LRP2: variants seen among roughly 807,000 people sequenced by gnomAD.
LRP2 encodes low-density lipoprotein receptor-related protein 2.
LRP2 carries 172 observed loss-of-function variants against 531.0 expected under a neutral mutation model. The observed-to-expected ratio is 0.32, with a 90% confidence interval of 0.29 to 0.37. The LOEUF (loss-of-function observed/expected upper bound fraction) is 0.37, where lower values mean the gene tolerates loss of function less well. Ranked by LOEUF, LRP2 falls within the 10% of genes least tolerant of loss-of-function variation. The probability of loss-of-function intolerance (pLI) is 1.00; values close to 1 mark genes in which losing one functional copy is unlikely to be tolerated. For missense variants in LRP2, 5,167 were observed against 5,868.3 expected (o/e 0.88, Z 3.90); for synonymous variants, 1,992 against 2,027.6 (o/e 0.98, Z 0.47).
intron 4 of LRP2, among the ~76,000 whole-genome samples, chr2:169,303,383 A>G (rs1331998468): frequency 6.6e-6 from 1 of 152,198 alleles, no homozygotes; most frequent in Non-Finnish European, 1.5e-5. Context: ...AATCTTTACA[A>G]TCTCTGTAAA....
chr2:169,131,847 C>G (rs1486846999), intron 77 of LRP2, among the ~76,000 whole-genome samples: 1 of 152,240 alleles, frequency 6.6e-6, no homozygotes, highest in Non-Finnish European at 1.5e-5. Context: ...ACAGCTATAT[C>G]TGGTATAGCT....
chr2:169,174,809 CTTTTTTT>C (rs36105004), intron 55 of LRP2, among the ~76,000 whole-genome samples: 5 of 128,544 alleles, frequency 3.9e-5, no homozygotes, highest in African/African-American at 1.5e-4. Flanking sequence ...TGTGCTCAGT[CTTTTTTT>C]TTTTTTTTTG....
chr2:169,171,156 T>C (rs2105277267), intron 58 of LRP2, among the ~76,000 whole-genome samples: 1 of 152,268 alleles, frequency 6.6e-6, no homozygotes, highest in East Asian at 1.9e-4. Context: ...AAATGCCAAT[T>C]GGATTACCCT....
At chr2:169,312,584 A>C (rs1684644078) in intron 3 of LRP2, among the ~76,000 whole-genome samples, 1 of 152,188 alleles carries the variant, frequency 6.6e-6, no homozygotes, top group South Asian at 2.1e-4. Flanking sequence ...TGTTAGTCTG[A>C]TGGGCTTCCC....
At chr2:169,348,306 A>C (rs1002433620) in intron 1 of LRP2, among the ~76,000 whole-genome samples, 5 of 152,162 alleles carry the variant, frequency 3.3e-5, no homozygotes, top group African/African-American at 1.2e-4. Context: ...AGTCCTCAAA[A>C]GAATGGGGAC....
chr2:169,248,080 T>C (rs986571713), intron 19 of LRP2, among the ~76,000 whole-genome samples: 9 of 152,184 alleles, frequency 5.9e-5, no homozygotes, highest in African/African-American at 1.9e-4. Context: ...TTTCAGTGTA[T>C]GTTTGAGGAT....
rs112238821 is a variant in LRP2, at chr2:169,283,057, T to C, written c.1043-56A>G. On this transcript the variant is annotated intron_variant, in intron 9 of 78. Coordinates refer to ENST00000649046, the MANE Select transcript of LRP2 (RefSeq NM_004525.3). The stretch of plus-strand genomic sequence containing the variant: ...AAGGTTATCAGCATTTATTAAGCAC[T>C]CTCTGACAAAAATCCTAGATAAGAT... The C allele has an allele frequency of 5.7e-5, 90 of 1,591,382 alleles. 2 individuals carry two copies. The African/African-American group carries it at 8.3e-4, about 15-fold the overall frequency.
chr2:169,184,764 TTTGTTTTG>T (rs1372277446), intron 50 of LRP2, among the ~76,000 whole-genome samples: 2 of 73,794 alleles, frequency 2.7e-5, no homozygotes, highest in African/African-American at 5.7e-5. Flanking sequence ...TTTTGTTTTG[TTTGTTTTG>T]TTTTTTTTGA....
chr2:169,129,536 TC>T (rs1410247485), intron 77 of LRP2, among the ~76,000 whole-genome samples: 1 of 152,202 alleles, frequency 6.6e-6, no homozygotes, highest in Admixed American at 6.5e-5. Flanking sequence ...GTATCCCTTC[TC>T]CCTTCATCAT....
At chr2:169,233,926 A>G (rs1689506553) in intron 29 of LRP2, among the ~76,000 whole-genome samples, 1 of 152,096 alleles carries the variant, frequency 6.6e-6, no homozygotes, top group Non-Finnish European at 1.5e-5. Context: ...GTTAGATGGA[A>G]CTAGAGAGCT....
intron 76 of LRP2, among the ~76,000 whole-genome samples, chr2:169,135,295 G>A (rs555823148): frequency 2.2e-4 from 33 of 151,936 alleles, no homozygotes; most frequent in African/African-American, 6.5e-4. Context: ...TTTTTCCCCC[G>A]CCCAGGACTG....
chr2:169,302,097 G>A (rs1258909562), intron 4 of LRP2, among the ~76,000 whole-genome samples: 1 of 152,072 alleles, frequency 6.6e-6, no homozygotes, highest in African/African-American at 2.4e-5. Context: ...CACAAGTAAT[G>A]ATTTCCATGC....
In LRP2 at chr2:169,147,340, A is replaced by G. The variant is rs971104839; in HGVS notation, c.12591-381T>C. Among the ~76,000 whole-genome samples, 23 of 152,264 alleles carry G rather than the reference A, an allele frequency of 1.5e-4. No individual in the cohort carries two copies. The South Asian group carries it at 2.5e-3, about 16-fold the overall frequency. On this transcript the variant is annotated intron_variant, in intron 68 of 78. Coordinates refer to ENST00000649046, the MANE Select transcript of LRP2 (RefSeq NM_004525.3). ...GAGAACAAAACATACAAAGATTTCT[A>G]TCTTCATGGAGCTACTCTGTTGCCC...
rs368558922 is a variant in LRP2 at position 169,268,880 on chromosome 2, A to C, written c.2320+2024T>G. On this transcript the variant is annotated intron_variant, in intron 16 of 78. Coordinates refer to ENST00000649046, the MANE Select transcript of LRP2 (RefSeq NM_004525.3). ...CATCATCTCAGCCCAATATCTCCTT[A>C]AGCTGATAAGCAACTTCAGCAAAGT... 2.3e-4 allele frequency among the ~76,000 whole-genome samples: 35 copies of C among 152,340 alleles called. No individual in the cohort carries two copies. In the East Asian group the frequency reaches 5.4e-3, roughly 23 times the overall value.
At chr2:169,144,809 C>T (rs915817725) in intron 70 of LRP2, among the ~76,000 whole-genome samples, 2 of 152,140 alleles carry the variant, frequency 1.3e-5, no homozygotes, top group African/African-American at 4.8e-5. Context: ...CAGACTCCAC[C>T]CATGACTCAC....
intron 63 of LRP2, among the ~76,000 whole-genome samples, chr2:169,160,523 T>A (rs1271367470): frequency 6.6e-6 from 1 of 151,804 alleles, no homozygotes; most frequent in Non-Finnish European, 1.5e-5. Flanking sequence ...CAAAGGCAAA[T>A]AAATTAACAG....
intron 3 of LRP2, 34 bp from the exon 4 acceptor site, chr2:169,307,431 A>T: frequency 8.3e-7 from 1 of 1,202,300 alleles, no homozygotes; most frequent in South Asian, 1.2e-5. Flanking sequence ...TTAATTTATA[A>T]TTATTGCTAG....
At chr2:169,235,776 C>T (rs1689582238) in intron 29 of LRP2, 64 bp downstream of exon 29, 3 of 1,251,344 alleles carry the variant, frequency 2.4e-6, no homozygotes, top group South Asian at 2.4e-5. Context: ...TTTTCTGATA[C>T]TCGTCTGATT....
Position 169,244,949 on chromosome 2 carries a change from C to G in LRP2, c.3191-17G>C. On this transcript the variant is annotated splice_polypyrimidine_tract_variant and intron_variant, in intron 21 of 78. Transcript: ENST00000649046. ...AGGTATTATCTACAATAGTAACAAA[C>G]TGGTCATGAAGACATTTGTTTTTAC... 1 of 1,614,082 alleles carries G rather than the reference C, an allele frequency of 6.2e-7. No homozygotes were observed. The highest frequency in any genetic ancestry group is 1.1e-5 in the South Asian group (1 of 91,060).
Sources: gnomAD v4.1 joint callset for allele counts (sites outside exome capture counted in the v4.1 genomes callset) on GRCh38, gnomAD v4.1.1 for gene constraint, MANE v1.5 for transcripts, NCBI Gene and HGNC (gene_info 2026-07-23, HGNC 2026-07-21) for gene names.